Variants in NUP85 observed in about 807,000 individuals in gnomAD.
NUP85 encodes the protein nuclear pore complex protein Nup85.
NUP85 carries 23 observed loss-of-function variants against 92.8 expected under a neutral mutation model. The ratio of observed to expected loss-of-function variants is 0.25; its 90% CI spans 0.18 to 0.35. NUP85 has a LOEUF of 0.35. Among genes scored for constraint, NUP85 ranks in the 10% least tolerant of loss-of-function variants. The probability of loss-of-function intolerance (pLI) is 1.00; values close to 1 mark genes in which losing one functional copy is unlikely to be tolerated. For synonymous variants in NUP85, 314 were observed against 306.9 expected, an observed-to-expected ratio of 1.02 and a Z score of -0.24; for missense variants, 759 against 822.8, an observed-to-expected ratio of 0.92 and a Z score of 0.95.
At chr17:75,229,471 T>G (rs2075956802) in intron 11 of NUP85, among the ~76,000 whole-genome samples, 1 of 152,218 alleles carries the variant, frequency 6.6e-6, no homozygotes, top group Non-Finnish European at 1.5e-5. Flanking sequence ...AGCAGAGGGC[T>G]ACTTTGGAGC....
intron 18 of NUP85, 130 bp downstream of exon 18, chr17:75,235,331 G>A: frequency 3.1e-6 from 2 of 653,372 alleles, no homozygotes; most frequent in Non-Finnish European, 2.6e-6. Context: ...CTTAACCTGT[G>A]TAATTCACAC....
Position 75,225,362 on chromosome 17 carries a change from G to A in NUP85, c.753G>A (p.Leu251=). The part of the protein sequence containing the change: ...PILSPGNTQT[L]TELELKWQHW... ...CTTAGCCCGGGAACACCCAGACACT[G>A]ACAGAGCTGGAGCTGAAGTGGCAGC... Residue 251 remains leucine (L), a synonymous_variant, in exon 9 of 19, where the codon CTG becomes CTA. Transcript: ENST00000245544. The A allele has an allele frequency of 3.1e-6, 5 of 1,614,230 alleles. No individual in the cohort carries two copies. Among genetic ancestry groups the A allele is most frequent in the East Asian group, 4.5e-5 (2 of 44,888 alleles).
Position 75,225,694 on chromosome 17 carries a change from T to G in NUP85, c.856-4T>G. On this transcript the variant is annotated splice_region_variant and splice_polypyrimidine_tract_variant and intron_variant, in intron 9 of 18. Transcript: ENST00000245544. ...CAGAGTTCAGCACAAATGTCTCTCC[T>G]CAGATTATGCTGGGAGACGAAGCTG... is the stretch of plus-strand genomic sequence containing the variant. 5.0e-6 allele frequency: 8 copies of G among 1,614,130 alleles called. No homozygotes were observed. Among genetic ancestry groups the G allele is most frequent in the Non-Finnish European group, 6.8e-6 (8 of 1,179,978 alleles).
In NUP85 at chr17:75,234,686, C is replaced by T. The variant is rs112194253; in HGVS notation, c.1665C>T (p.Asp555=). 3.0e-5 allele frequency: 48 copies of T among 1,614,188 alleles called. No homozygotes were observed. Among genetic ancestry groups the T allele is most frequent in the African/African-American group, 2.4e-4 (18 of 75,050 alleles). ...HRMYGEKRFA[D]AASLLLSLMT... is the part of the protein sequence containing the mutation. ...TGTACGGGGAGAAGCGTTTTGCCGA[C>T]GCAGCTTCTCTCCTTCTGTCCTTGA... The change falls in exon 17 of 19, where the codon GAC becomes GAT. Residue 555 remains aspartate, a synonymous_variant. Coordinates refer to ENST00000245544, the MANE Select transcript of NUP85 (RefSeq NM_024844.5).
chr17:75,219,388 C>T (rs1286426831), intron 7 of NUP85, among the ~76,000 whole-genome samples: 1 of 152,132 alleles, frequency 6.6e-6, no homozygotes, highest in Non-Finnish European at 1.5e-5. Flanking sequence ...GCAATCCTCC[C>T]ACCTCAGCCT....
chr17:75,216,543 G>C (rs111991018), intron 6 of NUP85, among the ~76,000 whole-genome samples: 1 of 152,274 alleles, frequency 6.6e-6, no homozygotes, highest in African/African-American at 2.4e-5. Flanking sequence ...GGGATTCCAG[G>C]TGTGAGCCAC....
chr17:75,213,567 A>G (rs2075336516), intron 5 of NUP85, among the ~76,000 whole-genome samples: 1 of 152,098 alleles, frequency 6.6e-6, no homozygotes, highest in Non-Finnish European at 1.5e-5. Context: ...TGGTGGGATT[A>G]CAGGTGTAAG....
chr17:75,225,704 C>T lies in NUP85; in HGVS notation c.862C>T (p.Leu288=). The stretch of plus-strand genomic sequence containing the variant: ...CACAAATGTCTCTCCTCAGATTATG[C>T]TGGGAGACGAAGCTGCCTTGTTAGA... The part of the protein sequence containing the change: ...PHLESLLKIM[L]GDEAALLEQK... The change falls in exon 10 of 19, where the codon CTG becomes TTG. Residue 288 remains leucine, a synonymous_variant. Transcript: ENST00000245544. The T allele has an allele frequency of 2.5e-6, 4 of 1,614,086 alleles. No individual in the cohort carries two copies. Among genetic ancestry groups the T allele is most frequent in the Non-Finnish European group, 3.4e-6 (4 of 1,179,974 alleles).
At chr17:75,212,247 G>GTTT (rs1219393857) in intron 4 of NUP85, among the ~76,000 whole-genome samples, 185 bp downstream of exon 4, 1 of 3,670 alleles carries the variant, frequency 2.7e-4, no homozygotes, top group African/African-American at 3.4e-4. Flanking sequence ...TTTTGTTGTT[G>GTTT]TTTTTTTTTT....
rs543033222 is a variant in NUP85 at position 75,209,834 on chromosome 17, A to T, written c.139A>T (p.Met47Leu). ...CTGTTTGGTTTCAGAAAAATCAGAGATGGTGCCAAGTTGCCCCTTTATCTA... is the reference window on the plus strand; with the variant it reads ...CTGTTTGGTTTCAGAAAAATCAGAGTTGGTGCCAAGTTGCCCCTTTATCTA... ...TSFNKKEKSEMVPSCPFIYII... is the reference protein window; with the variant it reads ...TSFNKKEKSELVPSCPFIYII... The change falls in exon 3 of 19, where the codon ATG becomes TTG. Residue 47 changes from methionine to leucine, a missense_variant. Physicochemically the swap from Met to Leu is conservative, Grantham distance 15. Coordinates refer to ENST00000245544, the MANE Select transcript of NUP85 (RefSeq NM_024844.5). 6.3e-6 allele frequency: 10 copies of T among 1,577,122 alleles called. No individual in the cohort carries two copies. The highest frequency in any genetic ancestry group is 8.5e-6 in the Non-Finnish European group (10 of 1,169,706).
chr17:75,226,794 T>G (rs950557986), intron 11 of NUP85: 1 of 445,494 alleles, frequency 2.2e-6, no homozygotes, highest in Non-Finnish European at 4.5e-6. Context: ...ACATTTAAAA[T>G]CTAGAAAAAG....
At position 75,231,671 on chromosome 17, in the gene NUP85, G is replaced by C; in HGVS notation, c.1244+33G>C. 6.4e-7 allele frequency: 1 copy of C among 1,569,172 alleles called. No homozygotes were observed. ...GGACCCCATGGGTGTGGGCTATGCG[G>C]GTGCTCTTCAGCATGCGGGTGCCAT... On this transcript the variant is annotated intron_variant, in intron 13 of 18. Coordinates refer to ENST00000245544, the MANE Select transcript of NUP85 (RefSeq NM_024844.5). This position sits in a 1 kb window ranked among gnomAD's most constrained non-coding sequence, Gnocchi z 4.6.
rs185396083 is a variant in NUP85, at chr17:75,227,623, G to A, written c.1094+1466G>A. On this transcript the variant is annotated intron_variant, in intron 11 of 18. Transcript: ENST00000245544. Reference sequence around the variant, plus strand: ...CCCAAAGTGCTGGGATTACAGGCGTGAGCCACCGCGCCCTGCCAAGTTTTT... The same window carrying A: ...CCCAAAGTGCTGGGATTACAGGCGTAAGCCACCGCGCCCTGCCAAGTTTTT... Among the ~76,000 whole-genome samples the A allele has an allele frequency of 4.0e-5, 6 of 149,000 alleles. No individual in the cohort carries two copies. The East Asian group carries it at 1.0e-3, about 25-fold the overall frequency.
chr17:75,207,402 C>T (rs1280669412), intron 1 of NUP85, among the ~76,000 whole-genome samples: 1 of 151,924 alleles, frequency 6.6e-6, no homozygotes, highest in Non-Finnish European at 1.5e-5. Context: ...TCAGGCTGGT[C>T]TGGAACTCCT....
rs532761055 is a variant in NUP85, at chr17:75,214,866, A to C, written c.406-888A>C. The stretch of plus-strand genomic sequence containing the variant: ...AGTGAGACTCTGTCTCAAAAAAAAA[A>C]ACAAAAAACAAAAACTGAGTGTTGG... On this transcript the variant is annotated intron_variant, in intron 5 of 18. Transcript: ENST00000245544. Among the ~76,000 whole-genome samples, 436 of 149,444 alleles carry C rather than the reference A, an allele frequency of 2.9e-3. 5 individuals carry two copies. The highest frequency in any genetic ancestry group is 0.01 in the African/African-American group (423 of 40,638).
rs749732500 is a variant in NUP85, at chr17:75,205,782, G to T, written c.21G>T (p.Glu7Asp). The T allele has an allele frequency of 9.3e-6, 15 of 1,614,198 alleles. No homozygotes were observed. The highest frequency in any genetic ancestry group is 3.3e-4 in the Middle Eastern group (2 of 6,062). Residue 7 changes from glutamate to aspartate, a missense_variant, in exon 1 of 19, where the codon GAG (glutamate) becomes GAT (aspartate). Transcript: ENST00000245544. Reference sequence around the variant, plus strand: ...GCGCTATGGAGGAGCTCGATGGCGAGCCAACAGTCACTGTAAGGGTACCCC... The same window carrying T: ...GCGCTATGGAGGAGCTCGATGGCGATCCAACAGTCACTGTAAGGGTACCCC... MEELDG[E>D]PTVTLIPGVN...
chr17:75,226,135 C>A lies in NUP85; in HGVS notation c.1072C>A (p.His358Asn). Reference protein sequence around the residue: ...ILLAAFEFDIHQVIKECSIAL... With the variant: ...ILLAAFEFDINQVIKECSIAL... ...GTTGGCAGCCTTTGAGTTTGACATCCATCAAGTAATCAAAGAGTGCAGGTA... is the reference window on the plus strand; with the variant it reads ...GTTGGCAGCCTTTGAGTTTGACATCAATCAAGTAATCAAAGAGTGCAGGTA... The change falls in exon 11 of 19, where the codon CAT (histidine) becomes AAT (asparagine). Residue 358 changes from histidine (H) to asparagine (N), a missense_variant. Transcript: ENST00000245544. The A allele has an allele frequency of 1.2e-6, 2 of 1,614,056 alleles. No individual in the cohort carries two copies. Among genetic ancestry groups the A allele is most frequent in the Non-Finnish European group, 1.7e-6 (2 of 1,179,990 alleles).
rs1407436579 is a variant in NUP85 at position 75,231,451 on chromosome 17, CTCT to C, written c.1178+33_1178+35del. 1 of 1,612,662 alleles carries C rather than the reference CTCT, an allele frequency of 6.2e-7. No homozygotes were observed. On this transcript the variant is annotated intron_variant, in intron 12 of 18. Transcript: ENST00000245544. The surrounding 1 kb of genome is among the most constrained non-coding windows in gnomAD (Gnocchi z 4.6). ...AAGTGGCCGGGAGGCACCGATCCTC[CTCT>C]TCTTACCACCAGGCCCCCGAGGGTG...
At chr17:75,210,501 G>A (rs1044317574) in intron 3 of NUP85, among the ~76,000 whole-genome samples, 15 of 152,170 alleles carry the variant, frequency 9.9e-5, no homozygotes, top group Non-Finnish European at 2.2e-4. Context: ...CAAAATCTCC[G>A]TGGTTGGATC....
Sources: allele counts gnomAD v4.1 joint callset (sites outside exome capture counted in the v4.1 genomes callset), GRCh38; gene constraint gnomAD v4.1.1; non-coding constraint Gnocchi (gnomAD v3.1); transcripts MANE v1.5; gene names NCBI Gene and HGNC (gene_info 2026-07-23, HGNC 2026-07-21).